HS3ST4: variants seen among roughly 807,000 people sequenced by gnomAD.
HS3ST4 encodes heparan sulfate glucosamine 3-O-sulfotransferase 4.
HS3ST4 carries 17 observed loss-of-function variants against 29.2 expected under a neutral mutation model. That is an observed-to-expected ratio of 0.58 (90% CI 0.40 to 0.87). HS3ST4 has a LOEUF of 0.87. HS3ST4 is among the 40% of genes least tolerant of loss of function. HS3ST4 has a pLI of 0.00. For synonymous variants in HS3ST4, 314 were observed against 285.7 expected, an observed-to-expected ratio of 1.10 and a Z score of -1.00; for missense variants, 627 against 634.5, an observed-to-expected ratio of 0.99 and a Z score of 0.13.
chr16:26,005,387 G>A (rs1478044634), intron 1 of HS3ST4, among the ~76,000 whole-genome samples: 1 of 152,176 alleles, frequency 6.6e-6, no homozygotes, highest in Admixed American at 6.5e-5. Context: ...TCCACACTAA[G>A]TGACGGGAGA....
intron 1 of HS3ST4, among the ~76,000 whole-genome samples, chr16:26,071,023 T>C (rs1898597114): frequency 6.6e-6 from 1 of 152,232 alleles, no homozygotes; most frequent in Non-Finnish European, 1.5e-5. Context: ...GAATTTTTCC[T>C]ATTTAAATGC....
intron 1 of HS3ST4, among the ~76,000 whole-genome samples, chr16:25,999,708 C>G (rs934783678): frequency 6.9e-6 from 1 of 145,366 alleles, no homozygotes; most frequent in Non-Finnish European, 1.5e-5. Context: ...CTCAAAAATT[C>G]ACATTGTACT....
intron 1 of HS3ST4, among the ~76,000 whole-genome samples, chr16:25,919,534 C>T (rs1014998092): frequency 6.6e-6 from 1 of 152,024 alleles, no homozygotes; most frequent in African/African-American, 2.4e-5. Context: ...CTGGCAATAG[C>T]TGGTATTGTA....
chr16:25,956,675 G>A (rs1308908688), intron 1 of HS3ST4, among the ~76,000 whole-genome samples: 1 of 152,064 alleles, frequency 6.6e-6, no homozygotes, highest in African/African-American at 2.4e-5. Context: ...ATTCTCAGCT[G>A]GGGAAAAAGA....
At chr16:25,806,202 C>G (rs562713162) in intron 1 of HS3ST4, among the ~76,000 whole-genome samples, 13 of 152,252 alleles carry the variant, frequency 8.5e-5, no homozygotes, top group African/African-American at 3.1e-4. Context: ...GTGCACATTG[C>G]CTACATCTCT....
intron 1 of HS3ST4, among the ~76,000 whole-genome samples, chr16:25,777,237 A>G (rs1466011585): frequency 1.3e-5 from 2 of 152,160 alleles, no homozygotes; most frequent in African/African-American, 4.8e-5. Context: ...CTCCTTATGC[A>G]TTTTGTTTGT....
intron 1 of HS3ST4, among the ~76,000 whole-genome samples, chr16:25,787,014 C>G (rs916347284): frequency 3.9e-5 from 6 of 152,152 alleles, no homozygotes; most frequent in Admixed American, 3.3e-4. Context: ...AAATTAAAAG[C>G]AATTCAAATA....
chr16:25,741,910 T>C (rs1966656317), intron 1 of HS3ST4, among the ~76,000 whole-genome samples: 1 of 152,158 alleles, frequency 6.6e-6, no homozygotes, highest in Admixed American at 6.5e-5. Context: ...AATTGCTAAG[T>C]GGATAGGGCT....
chr16:26,127,646 C>T (rs1899362890), intron 1 of HS3ST4, among the ~76,000 whole-genome samples: 1 of 152,182 alleles, frequency 6.6e-6, no homozygotes, highest in Admixed American at 6.5e-5. Flanking sequence ...GATCCTGACT[C>T]TGCCACATAC....
At chr16:26,013,495 C>A (rs532577794) in intron 1 of HS3ST4, among the ~76,000 whole-genome samples, 1 of 152,122 alleles carries the variant, frequency 6.6e-6, no homozygotes, top group Non-Finnish European at 1.5e-5. Flanking sequence ...GGATGTTTTC[C>A]AAAAACACTC....
intron 1 of HS3ST4, among the ~76,000 whole-genome samples, chr16:25,703,178 A>C (rs376060512): frequency 2.6e-5 from 4 of 152,028 alleles, no homozygotes; most frequent in East Asian, 1.9e-4. Context: ...AACAAACAAA[A>C]AAAAAGAGTT....
rs965340732 is a variant in HS3ST4 at position 25,885,039 on chromosome 16, GA to G, written c.734+191889del. On this transcript the variant is annotated intron_variant, in intron 1 of 1. Coordinates refer to ENST00000331351, the MANE Select transcript of HS3ST4 (RefSeq NM_006040.3). ...AAGAGCCCCATTTCAGAATAAAAAT[GA>G]CGAGCATAACCATTTCAGAATAAAA... 8.5e-5 allele frequency among the ~76,000 whole-genome samples: 13 copies of G among 152,148 alleles called. No individual in the cohort carries two copies. The East Asian group carries it at 2.5e-3, about 29-fold the overall frequency.
chr16:26,031,642 T>G (rs951778939), intron 1 of HS3ST4, among the ~76,000 whole-genome samples: 3 of 151,026 alleles, frequency 2.0e-5, no homozygotes, highest in Non-Finnish European at 4.4e-5. Context: ...TTAGAAAGCA[T>G]GTCAATAGGA....
At chr16:26,076,688 A>G (rs1213744027) in intron 1 of HS3ST4, among the ~76,000 whole-genome samples, 1 of 152,214 alleles carries the variant, frequency 6.6e-6, no homozygotes, top group Non-Finnish European at 1.5e-5. Flanking sequence ...TGAGGTAACC[A>G]GAATTATACC....
chr16:25,745,017 A>G (rs147927364), intron 1 of HS3ST4, among the ~76,000 whole-genome samples: 1 of 124,114 alleles, frequency 8.1e-6, no homozygotes, highest in Non-Finnish European at 1.7e-5. Flanking sequence ...AATAGAGAAG[A>G]GATAAAGAAG....
At chr16:25,966,484 A>G (rs976507313) in intron 1 of HS3ST4, among the ~76,000 whole-genome samples, 1 of 152,100 alleles carries the variant, frequency 6.6e-6, no homozygotes, top group Non-Finnish European at 1.5e-5. Context: ...ACAGGCTGTG[A>G]CCTGAAGCAA....
chr16:25,828,309 T>TTTCTTTCC (rs1183012834), intron 1 of HS3ST4, among the ~76,000 whole-genome samples: 25 of 106,386 alleles, frequency 2.3e-4, no homozygotes, highest in African/African-American at 8.9e-4. Flanking sequence ...TCCCTCTCTC[T>TTTCTTTCC]CTCTCTCTCT....
intron 1 of HS3ST4, among the ~76,000 whole-genome samples, chr16:25,818,174 C>A (rs938753225): frequency 2.0e-5 from 3 of 152,266 alleles, no homozygotes; most frequent in Admixed American, 6.5e-5. Flanking sequence ...GTTTGTGTAT[C>A]CCCCAAAATC....
intron 1 of HS3ST4, among the ~76,000 whole-genome samples, chr16:25,833,556 A>G (rs1967327474): frequency 6.6e-6 from 1 of 152,186 alleles, no homozygotes; most frequent in Admixed American, 6.5e-5. Flanking sequence ...TGTTGTTATC[A>G]TTAGTACTGA....
Sources: allele counts gnomAD v4.1 joint callset (sites outside exome capture counted in the v4.1 genomes callset), GRCh38; gene constraint gnomAD v4.1.1; transcripts MANE v1.5; gene names NCBI Gene and HGNC (gene_info 2026-07-23, HGNC 2026-07-21).